The following KATNAL2 variants were observed in gnomAD, a reference collection of about 807,000 sequenced individuals.
KATNAL2 encodes katanin p60 ATPase-containing subunit A-like 2.
KATNAL2 carries 52 observed loss-of-function variants against 76.3 expected under a neutral mutation model. The observed-to-expected ratio is 0.68, with a 90% CI of 0.55 to 0.86. The LOEUF is 0.86. Among genes scored for constraint, KATNAL2 ranks in the 40% least tolerant of loss-of-function variants. KATNAL2 has a pLI of 0.00. For missense variants in KATNAL2, 660 were observed against 668.9 expected, an observed-to-expected ratio of 0.99 and a Z score of 0.15; for synonymous variants, 243 against 244.2, an observed-to-expected ratio of 1.00 and a Z score of 0.05.
In KATNAL2 at chr18:47,084,520, T is replaced by A. The variant is rs912481442; in HGVS notation, c.1211+7059T>A. 7 of 638,176 alleles carry A rather than the reference T, an allele frequency of 1.1e-5. No homozygotes were observed. In the East Asian group the frequency reaches 1.9e-4, roughly 18 times the overall value. 39.5% of individuals were successfully genotyped at this position (638,176 alleles called of 1,614,324 possible). On this transcript the variant is annotated intron_variant, in intron 15 of 17. Transcript: ENST00000683218. The stretch of plus-strand genomic sequence containing the variant: ...GATACCAAGTTAAAGACAGTTCAAC[T>A]GGTTTCCCCCAGCAGGGTTGCTCAA...
At chr18:47,056,138 C>T (rs1016810159) in intron 6 of KATNAL2, among the ~76,000 whole-genome samples, 1 of 152,176 alleles carries the variant, frequency 6.6e-6, no homozygotes, top group Non-Finnish European at 1.5e-5. Flanking sequence ...TGATGGATGA[C>T]AGAAATGGGA....
At chr18:47,039,234 C>G (rs117010005) in intron 3 of KATNAL2, among the ~76,000 whole-genome samples, 4 of 152,058 alleles carry the variant, frequency 2.6e-5, no homozygotes, top group Non-Finnish European at 5.9e-5. Flanking sequence ...TTTAAAATAT[C>G]TTTATTCATA....
intron 16 of KATNAL2, among the ~76,000 whole-genome samples, chr18:47,099,634 T>A (rs781248047): frequency 1.3e-5 from 2 of 152,226 alleles, no homozygotes; most frequent in Admixed American, 6.5e-5. Context: ...GGGTTTAGAC[T>A]CAGAGAACCT....
intron 15 of KATNAL2, among the ~76,000 whole-genome samples, chr18:47,096,490 C>T (rs1860009050): frequency 6.6e-6 from 1 of 152,126 alleles, no homozygotes; most frequent in South Asian, 2.1e-4. Context: ...TACAGGCGTG[C>T]ATCACCACAC....
intron 6 of KATNAL2, among the ~76,000 whole-genome samples, chr18:47,057,217 G>A (rs139443252): frequency 1.6e-3 from 247 of 152,332 alleles, no homozygotes; most frequent in South Asian, 6.0e-3. Context: ...TGAACATGGG[G>A]AGACTTGCTT....
intron 3 of KATNAL2, chr18:47,033,071 C>G (rs1321613485): frequency 1.2e-6 from 2 of 1,614,150 alleles, no homozygotes; most frequent in Non-Finnish European, 1.7e-6. Context: ...ACTTTCTTGG[C>G]AGCCTGTTTC....
intron 1 of KATNAL2, among the ~76,000 whole-genome samples, chr18:46,930,822 G>A (rs899196345): frequency 1.3e-5 from 2 of 150,358 alleles, no homozygotes; most frequent in Admixed American, 6.7e-5. Flanking sequence ...AAATAAATAG[G>A]CCAGGCGCAG....
At chr18:46,954,081 T>A (rs1182319995) in intron 3 of KATNAL2, among the ~76,000 whole-genome samples, 26 of 152,022 alleles carry the variant, frequency 1.7e-4, no homozygotes, top group Admixed American at 1.2e-3. Flanking sequence ...TTCCACTGAA[T>A]TATCCCTTTC....
chr18:47,043,226 C>CAAAAAAAAAA (rs1195140135), intron 3 of KATNAL2, among the ~76,000 whole-genome samples: 1 of 41,686 alleles, frequency 2.4e-5, no homozygotes, highest in Non-Finnish European at 4.4e-5. Context: ...GACTCCGTTT[C>CAAAAAAAAAA]AAAAAAAAAA....
intron 3 of KATNAL2, among the ~76,000 whole-genome samples, chr18:46,948,426 C>CTT (rs11400104): frequency 3.2e-4 from 44 of 136,298 alleles, no homozygotes; most frequent in African/African-American, 5.9e-4. Context: ...TCTTCTTCTT[C>CTT]TTTTTTTTTT....
intron 1 of KATNAL2, among the ~76,000 whole-genome samples, chr18:46,945,458 A>G (rs1049588300): frequency 1.3e-5 from 2 of 152,124 alleles, no homozygotes; most frequent in African/African-American, 4.8e-5. Flanking sequence ...CAAATAAACT[A>G]CTCATTAGTC....
At chr18:46,934,627 T>C (rs901417734) in intron 1 of KATNAL2, among the ~76,000 whole-genome samples, 33 of 152,332 alleles carry the variant, frequency 2.2e-4, no homozygotes, top group Admixed American at 3.9e-4. Context: ...TAGTTTCTTT[T>C]GCTGTGCAGA....
intron 3 of KATNAL2, chr18:47,035,609 C>T: frequency 2.0e-6 from 1 of 499,652 alleles, no homozygotes; most frequent in Non-Finnish European, 3.7e-6. Flanking sequence ...ACGGCTCTAG[C>T]CCTGACCCTC....
At chr18:47,079,766 G>C (rs2062420099) in intron 15 of KATNAL2, among the ~76,000 whole-genome samples, 1 of 152,036 alleles carries the variant, frequency 6.6e-6, no homozygotes, top group Non-Finnish European at 1.5e-5. Context: ...ATGGTAGTAG[G>C]GTTGTTCTTA....
At chr18:47,058,066 C>T (rs2061519949) in intron 6 of KATNAL2, among the ~76,000 whole-genome samples, 169 bp from the exon 7 acceptor site, 1 of 152,106 alleles carries the variant, frequency 6.6e-6, no homozygotes, top group South Asian at 2.1e-4. Context: ...GGTGTTAGGG[C>T]CAGGATGGAC....
At chr18:47,097,086 T>C (rs1181285392) in intron 15 of KATNAL2, among the ~76,000 whole-genome samples, 8 of 130,828 alleles carry the variant, frequency 6.1e-5, no homozygotes, top group African/African-American at 2.4e-4. Flanking sequence ...ACCACTGCAC[T>C]CCAGCCTGGG....
In KATNAL2 at chr18:47,100,892, T is replaced by C. The variant is rs373628714; in HGVS notation, c.1504T>C (p.Leu502=). 184 of 1,614,176 alleles carry C rather than the reference T, an allele frequency of 1.1e-4. 1 individual carries two copies. The South Asian group carries it at 1.3e-3, about 11-fold the overall frequency. Residue 502 remains leucine, a synonymous_variant, in exon 18 of 18, where the codon TTG becomes CTG. Coordinates refer to ENST00000683218, the MANE Select transcript of KATNAL2 (RefSeq NM_001387690.1). The part of the protein sequence containing the change: ...SESSDLPRIQ[L]DIVTTADFLD... ...AAGCAGCGACTTACCCAGGATCCAG[T>C]TGGATATAGTAACCACTGCCGACTT... is the stretch of plus-strand genomic sequence containing the variant.
intron 15 of KATNAL2, among the ~76,000 whole-genome samples, chr18:47,085,632 A>G (rs946463758): frequency 3.3e-5 from 5 of 152,148 alleles, no homozygotes; most frequent in African/African-American, 4.8e-5. Flanking sequence ...CCCCCAGAAG[A>G]GGACTACTTT....
chr18:46,960,419 C>T (rs867940859), intron 3 of KATNAL2, among the ~76,000 whole-genome samples: 6 of 121,840 alleles, frequency 4.9e-5, no homozygotes, highest in South Asian at 2.6e-4. Flanking sequence ...AACCCAAGAG[C>T]GAAACTTCAA....
Sources: allele counts gnomAD v4.1 joint callset (sites outside exome capture counted in the v4.1 genomes callset), GRCh38; gene constraint gnomAD v4.1.1; transcripts MANE v1.5; gene names NCBI Gene and HGNC (gene_info 2026-07-23, HGNC 2026-07-21).